The following COQ7 variants were observed in gnomAD, a reference collection of about 807,000 sequenced individuals.
COQ7 encodes NADPH-dependent 3-demethoxyubiquinone 3-hydroxylase, mitochondrial.
COQ7 carries 21 observed loss-of-function variants against 25.0 expected under a neutral mutation model. The observed-to-expected ratio is 0.84, with a 90% CI of 0.60 to 1.21. The LOEUF is 1.21. Among genes scored for constraint, COQ7 ranks in the 50% most tolerant of loss-of-function variants. The pLI is 0.00. For synonymous variants in COQ7, 125 were observed against 112.4 expected (o/e 1.11, Z -0.71); for missense variants, 311 against 296.2 (o/e 1.05, Z -0.37).
In COQ7 at chr16:19,079,558, T is replaced by C. The variant is rs1258802179; in HGVS notation, c.*1400T>C. ...CCTGTGGAGATTAAACTTTTTTTTT[T>C]CAGTTTATGGACCAAGAGTTTTGAT... On this transcript the variant is annotated 3_prime_UTR_variant, in exon 6 of 6. Transcript: ENST00000321998. The C allele has an allele frequency of 6.6e-6, 1 of 152,162 alleles. No homozygotes were observed. Among genetic ancestry groups the C allele is most frequent in the East Asian group, 1.9e-4 (1 of 5,200 alleles). 9.4% of individuals were successfully genotyped at this position (152,162 alleles called of 1,614,324 possible).
chr16:19,075,167 C>T (rs1047830153), intron 3 of COQ7, among the ~76,000 whole-genome samples: 1 of 151,680 alleles, frequency 6.6e-6, no homozygotes, highest in African/African-American at 2.4e-5. Context: ...AGTTTGTCCC[C>T]CTGATGAGGA....
chr16:19,068,288 A>G (rs1012571805), intron 1 of COQ7: 2 of 990,926 alleles, frequency 2.0e-6, no homozygotes, highest in Non-Finnish European at 2.4e-6. Context: ...GGAGCATCGA[A>G]TTTAGAGTAG....
At chr16:19,070,204 C>T (rs1458172033) in intron 1 of COQ7, among the ~76,000 whole-genome samples, 12 of 152,178 alleles carry the variant, frequency 7.9e-5, no homozygotes, top group Non-Finnish European at 1.8e-4. Context: ...AAAAGTGTGA[C>T]ATTTACAACC....
intron 4 of COQ7, among the ~76,000 whole-genome samples, chr16:19,076,706 C>T (rs1233032940): frequency 6.6e-6 from 1 of 151,518 alleles, no homozygotes; most frequent in African/African-American, 2.4e-5. Context: ...ATTCTCCTGC[C>T]TCGGCGTCCC....
chr16:19,076,934 A>G (rs1167004900), intron 4 of COQ7, among the ~76,000 whole-genome samples: 3 of 152,230 alleles, frequency 2.0e-5, no homozygotes, highest in Non-Finnish European at 4.4e-5. Context: ...TGCTGTGAGC[A>G]GGAACCCTTT....
rs542790221 is a variant in COQ7, at chr16:19,073,218, A to C, written c.253-703A>C. 3.3e-5 allele frequency among the ~76,000 whole-genome samples: 5 copies of C among 152,262 alleles called. No homozygotes were observed. The South Asian group carries it at 1.0e-3, about 32-fold the overall frequency. ...CAGCTGCTTGGGAGGCTGAGGCAAGAGAATCACTTGAACCTGGGAGGCAGA... is the reference window on the plus strand; with the variant it reads ...CAGCTGCTTGGGAGGCTGAGGCAAGCGAATCACTTGAACCTGGGAGGCAGA... On this transcript the variant is annotated intron_variant, in intron 2 of 5. Coordinates refer to ENST00000321998, the MANE Select transcript of COQ7 (RefSeq NM_016138.5).
In COQ7 at chr16:19,075,764, C is replaced by T; in HGVS notation, c.411C>T (p.Cys137=). Reference sequence around the variant, plus strand: ...TCGGGAAGGAAGGTGCCATGGCCTGCACCGTGGCGGTGGAAGAGAGCATAG... The same window carrying T: ...TCGGGAAGGAAGGTGCCATGGCCTGTACCGTGGCGGTGGAAGAGAGCATAG... ...ALLGKEGAMA[C]TVAVEESIAH... The change falls in exon 4 of 6, where the codon TGC becomes TGT. Residue 137 remains cysteine, a synonymous_variant. Transcript: ENST00000321998. 1 of 1,608,260 alleles carries T rather than the reference C, an allele frequency of 6.2e-7. No individual in the cohort carries two copies.
intron 3 of COQ7, among the ~76,000 whole-genome samples, chr16:19,075,482 C>G (rs1962786188): frequency 6.6e-6 from 1 of 152,142 alleles, no homozygotes; most frequent in Non-Finnish European, 1.5e-5. Context: ...AGGCGTGATC[C>G]ATTGTGCCCA....
At position 19,078,112 on chromosome 16, in the gene COQ7, T is replaced by A. The variant is rs947743443; in HGVS notation, c.608T>A (p.Ile203Asn). The change falls in exon 6 of 6, where the codon ATC (isoleucine) becomes AAC (asparagine). Residue 203 changes from isoleucine (I) to asparagine (N), a missense_variant. By Grantham distance (149) the Ile-to-Asn change is moderately radical (BLOSUM62 -3). Coordinates refer to ENST00000321998, the MANE Select transcript of COQ7 (RefSeq NM_016138.5). ...GCCTATGCCGTCCTGAAGAGCATTA[T>A]CCAGGCCGGATGCAGAGTGGCGATA... ...APAYAVLKSI[I>N]QAGCRVAIYL... 6.2e-7 allele frequency: 1 copy of A among 1,612,602 alleles called. No individual in the cohort carries two copies. The highest frequency in any genetic ancestry group is 8.5e-7 in the Non-Finnish European group (1 of 1,179,370).
intron 1 of COQ7, chr16:19,068,945 C>T (rs1962403244): frequency 4.7e-6 from 2 of 425,080 alleles, no homozygotes; most frequent in Non-Finnish European, 9.4e-6. Flanking sequence ...TACTGTCTTT[C>T]TGTTACAAAG....
chr16:19,074,280 C>G (rs548142971), intron 3 of COQ7, among the ~76,000 whole-genome samples: 1 of 151,938 alleles, frequency 6.6e-6, no homozygotes, highest in Non-Finnish European at 1.5e-5. Context: ...AATCCCAGCA[C>G]TTTGGGAGGC....
At chr16:19,067,971 T>C in intron 1 of COQ7, 3 of 1,414,698 alleles carry the variant, frequency 2.1e-6, no homozygotes, top group Non-Finnish European at 2.8e-6. Flanking sequence ...GCCTGGGGAG[T>C]GACGCAATTG....
chr16:19,077,414 T>C lies in COQ7; in HGVS notation c.576+40T>C, dbSNP rs1402539110. 3.2e-6 allele frequency: 5 copies of C among 1,558,434 alleles called. No individual in the cohort carries two copies. In the African/African-American group the frequency reaches 5.4e-5, roughly 17 times the overall value. On this transcript the variant is annotated intron_variant, in intron 5 of 5. Coordinates refer to ENST00000321998, the MANE Select transcript of COQ7 (RefSeq NM_016138.5). ...TTACCTGTTCTGCTTTGGGACTCCT[T>C]ATTTGGGAGGCTGAAGGGGCAGGAG...
rs1402140404 is a variant in COQ7 at position 19,077,258 on chromosome 16, A to G, written c.508-48A>G. Reference sequence around the variant, plus strand: ...AGCCTCCAAAATGAAATGGAACAGCAGGAGAGTTGGAAGGCTAACTTGCTT... The same window carrying G: ...AGCCTCCAAAATGAAATGGAACAGCGGGAGAGTTGGAAGGCTAACTTGCTT... On this transcript the variant is annotated intron_variant, in intron 4 of 5. Transcript: ENST00000321998. 1.1e-5 allele frequency: 17 copies of G among 1,517,710 alleles called. No individual in the cohort carries two copies. In the East Asian group the frequency reaches 3.6e-4, roughly 32 times the overall value. The allele number at this position is 1,517,710 out of a possible 1,614,324, so 94.0% of individuals were successfully genotyped here.
At chr16:19,072,827 C>A (rs2056883394) in intron 2 of COQ7, among the ~76,000 whole-genome samples, 1 of 152,182 alleles carries the variant, frequency 6.6e-6, no homozygotes, top group Non-Finnish European at 1.5e-5. Context: ...TTAGGACGTG[C>A]CATCTAAGTG....
rs377015524 is a variant in COQ7, at chr16:19,067,655, A to C, written c.-10A>C. 6.2e-7 allele frequency: 1 copy of C among 1,613,174 alleles called. No homozygotes were observed. Among genetic ancestry groups the C allele is most frequent in the Non-Finnish European group, 8.5e-7 (1 of 1,179,644 alleles). On this transcript the variant is annotated 5_prime_UTR_variant, in exon 1 of 6. Transcript: ENST00000321998. The stretch of plus-strand genomic sequence containing the variant: ...GTTCAACGAAGTGGTTGCTTTTTTT[A>C]GTTCCGGCAATGAGTTGCGCCGGGG...
intron 1 of COQ7, chr16:19,068,451 A>T (rs1202945932): frequency 2.1e-6 from 2 of 955,018 alleles, no homozygotes; most frequent in Non-Finnish European, 2.5e-6. Context: ...CAGGAGTTTG[A>T]GACCAGCCTG....
chr16:19,074,282 T>G (rs1962718703), intron 3 of COQ7, among the ~76,000 whole-genome samples: 1 of 151,804 alleles, frequency 6.6e-6, no homozygotes, highest in Admixed American at 6.6e-5. Flanking sequence ...TCCCAGCACT[T>G]TGGGAGGCCG....
In COQ7 at chr16:19,071,925, C is replaced by T. The variant is rs1312630833; in HGVS notation, c.74-3C>T. 3 of 1,614,114 alleles carry T rather than the reference C, an allele frequency of 1.9e-6. No individual in the cohort carries two copies. In the Admixed American group the frequency reaches 5.0e-5, roughly 27 times the overall value. ...TAACGAAGAATAAACACTTGCATTT[C>T]AGCTTATGGAAGAAGAACCAGTGTC... On this transcript the variant is annotated splice_region_variant and splice_polypyrimidine_tract_variant and intron_variant, in intron 1 of 5. Coordinates refer to ENST00000321998, the MANE Select transcript of COQ7 (RefSeq NM_016138.5).
Sources: allele counts gnomAD v4.1 joint callset (sites outside exome capture counted in the v4.1 genomes callset), GRCh38; gene constraint gnomAD v4.1.1; transcripts MANE v1.5; gene names NCBI Gene and HGNC (gene_info 2026-07-23, HGNC 2026-07-21).